Variants in ABCA8 observed in about 807,000 individuals in gnomAD.
ABCA8 encodes the protein ABC-type organic anion transporter ABCA8.
A neutral mutation model predicts 192.3 loss-of-function variants in ABCA8; 177 were observed. The observed-to-expected ratio is 0.92, with a 90% CI of 0.81 to 1.04. The LOEUF is 1.04. Ranked by LOEUF, ABCA8 falls within the 50% of genes least tolerant of loss-of-function variation. The pLI, the probability that ABCA8 is intolerant of heterozygous loss-of-function variation, is 0.00. For missense variants in ABCA8, 1,915 were observed against 1,904.8 expected (o/e 1.01, Z -0.10); for synonymous variants, 642 against 690.2 (o/e 0.93, Z 1.09).
chr17:68,930,130 T>C (rs539544013), intron 7 of ABCA8, among the ~76,000 whole-genome samples: 1 of 152,188 alleles, frequency 6.6e-6, no homozygotes, highest in Non-Finnish European at 1.5e-5. Context: ...ATACTACCAC[T>C]GAAGACTAAA....
intron 1 of ABCA8, among the ~76,000 whole-genome samples, chr17:68,952,939 T>C (rs1480997498): frequency 6.6e-6 from 1 of 152,004 alleles, no homozygotes; most frequent in African/African-American, 2.4e-5. Flanking sequence ...GGGGAATTTA[T>C]ACATACAGTT....
chr17:68,930,745 C>T (rs1205741189), intron 7 of ABCA8, among the ~76,000 whole-genome samples: 1 of 152,162 alleles, frequency 6.6e-6, no homozygotes, highest in Admixed American at 6.5e-5. Flanking sequence ...GATTTCACTG[C>T]TCTGCTACGT....
chr17:68,940,220 T>G (rs897044811), intron 4 of ABCA8, among the ~76,000 whole-genome samples: 1 of 152,146 alleles, frequency 6.6e-6, no homozygotes, highest in Non-Finnish European at 1.5e-5. Context: ...TTAAGTACCT[T>G]AATGCTGAAG....
chr17:68,953,426 C>G (rs534934144), intron 1 of ABCA8, among the ~76,000 whole-genome samples: 5 of 152,310 alleles, frequency 3.3e-5, no homozygotes, highest in Admixed American at 3.3e-4. Flanking sequence ...GGATCACACA[C>G]AGGGTGGTGC....
At chr17:68,953,061 C>A (rs1270605000) in intron 1 of ABCA8, among the ~76,000 whole-genome samples, 1 of 152,166 alleles carries the variant, frequency 6.6e-6, no homozygotes, top group Non-Finnish European at 1.5e-5. Context: ...ATAGGATTTG[C>A]TAAGCCACTC....
intron 20 of ABCA8, 61 bp downstream of exon 20, chr17:68,903,239 CT>C: frequency 6.4e-7 from 1 of 1,572,390 alleles, no homozygotes; most frequent in Non-Finnish European, 8.7e-7. Context: ...GCCTTTATAC[CT>C]TAGATTTGCT....
rs774514953 is a variant in ABCA8 at position 68,906,185 on chromosome 17, G to A, written c.2279-22C>T. On this transcript the variant is annotated intron_variant, in intron 18 of 39. Transcript: ENST00000586539. ...AGTTCTAAAGAATACATATACAGCA[G>A]TGAATTAAAACAAGAATCACAAGTG... The A allele has an allele frequency of 3.4e-6, 5 of 1,461,810 alleles. No individual in the cohort carries two copies. In the Admixed American group the frequency reaches 7.4e-5, roughly 22 times the overall value. The allele number at this position is 1,461,810 out of a possible 1,614,324, so 90.6% of individuals were successfully genotyped here.
intron 1 of ABCA8, among the ~76,000 whole-genome samples, chr17:68,953,731 A>G (rs1050750089): frequency 1.3e-5 from 2 of 151,550 alleles, no homozygotes; most frequent in East Asian, 3.9e-4. Context: ...CTAAAATCAC[A>G]CTCCGTATAC....
chr17:68,901,651 C>CA (rs952792199), intron 21 of ABCA8, among the ~76,000 whole-genome samples: 28 of 151,906 alleles, frequency 1.8e-4, no homozygotes, highest in Admixed American at 7.9e-4. Flanking sequence ...ACCAAAAATA[C>CA]AAAAAAATTA....
intron 24 of ABCA8, 51 bp from the exon 25 acceptor site, chr17:68,887,557 A>C: frequency 1.3e-6 from 2 of 1,481,502 alleles, no homozygotes; most frequent in Non-Finnish European, 1.8e-6. Flanking sequence ...GAATATGTGG[A>C]TTATGCAAGG....
At chr17:68,923,400 A>C (rs2067601764) in intron 11 of ABCA8, among the ~76,000 whole-genome samples, 1 of 152,030 alleles carries the variant, frequency 6.6e-6, no homozygotes, top group South Asian at 2.1e-4. Flanking sequence ...GGGTTTTGCC[A>C]TGTTGCTCAA....
intron 18 of ABCA8, among the ~76,000 whole-genome samples, chr17:68,907,507 G>A (rs1401341340): frequency 6.6e-6 from 1 of 152,030 alleles, no homozygotes. Context: ...TACTAGGGAA[G>A]AAGGACTAAA....
chr17:68,931,973 G>A (rs892325768), intron 7 of ABCA8: 8 of 205,242 alleles, frequency 3.9e-5, no homozygotes, highest in Middle Eastern at 2.0e-3. Flanking sequence ...CACTTTGGGA[G>A]GCCGAGGTGG....
chr17:68,939,636 A>G (rs1028187044), intron 4 of ABCA8, among the ~76,000 whole-genome samples: 6 of 152,166 alleles, frequency 3.9e-5, no homozygotes, highest in Non-Finnish European at 8.8e-5. Context: ...GAATGAAGCC[A>G]GCACACAAAG....
intron 4 of ABCA8, among the ~76,000 whole-genome samples, chr17:68,940,162 G>GTTAACC (rs1230517932): frequency 6.6e-6 from 1 of 152,098 alleles, no homozygotes; most frequent in African/African-American, 2.4e-5. Context: ...TACTCGTTAA[G>GTTAACC]TTAACCTTAA....
intron 21 of ABCA8, among the ~76,000 whole-genome samples, chr17:68,896,489 T>C (rs184688291): frequency 6.6e-6 from 1 of 152,312 alleles, no homozygotes; most frequent in East Asian, 1.9e-4. Flanking sequence ...TTAAATCGCA[T>C]GGTATTCTGA....
intron 2 of ABCA8, among the ~76,000 whole-genome samples, chr17:68,945,883 C>G (rs945175503): frequency 6.6e-6 from 1 of 151,920 alleles, no homozygotes; most frequent in African/African-American, 2.4e-5. Context: ...CAATTAATCT[C>G]TTTGTATACT....
chr17:68,935,926 A>T (rs998527745), intron 5 of ABCA8, among the ~76,000 whole-genome samples: 1 of 151,908 alleles, frequency 6.6e-6, no homozygotes, highest in African/African-American at 2.4e-5. Flanking sequence ...TTTAATTTGC[A>T]TTTTCTGATA....
At chr17:68,907,541 C>A (rs1337316630) in intron 18 of ABCA8, among the ~76,000 whole-genome samples, 199 bp downstream of exon 18, 3 of 152,132 alleles carry the variant, frequency 2.0e-5, no homozygotes, top group African/African-American at 7.2e-5. Context: ...AATGCCCAGG[C>A]ATTACAATAC....
Sources: allele counts gnomAD v4.1 joint callset (sites outside exome capture counted in the v4.1 genomes callset), GRCh38; gene constraint gnomAD v4.1.1; transcripts MANE v1.5; gene names NCBI Gene and HGNC (gene_info 2026-07-23, HGNC 2026-07-21).